The following PPAT variants were observed in gnomAD, a reference collection of about 807,000 sequenced individuals.
The protein encoded by PPAT is amidophosphoribosyltransferase.
PPAT carries 20 observed loss-of-function variants against 60.2 expected under a neutral mutation model. The observed-to-expected ratio is 0.33, with a 90% CI of 0.23 to 0.48. The LOEUF is 0.48. PPAT is among the 20% of genes least tolerant of loss of function. The pLI, the probability that PPAT is intolerant of heterozygous loss-of-function variation, is 0.99. For missense variants in PPAT, 349 were observed against 629.6 expected, an observed-to-expected ratio of 0.55 and a Z score of 4.77; for synonymous variants, 194 against 215.1, an observed-to-expected ratio of 0.90 and a Z score of 0.86.
intron 1 of PPAT, among the ~76,000 whole-genome samples, chr4:56,427,531 G>A (rs1427896836): frequency 1.3e-5 from 2 of 151,992 alleles, no homozygotes; most frequent in Non-Finnish European, 2.9e-5. Context: ...GAGGCACTAG[G>A]CATGGTGGTA....
intron 1 of PPAT, chr4:56,408,194 T>G (rs1716295451): frequency 6.5e-6 from 1 of 153,968 alleles, no homozygotes; most frequent in South Asian, 2.0e-4. Context: ...TCCCAGCACT[T>G]TGGGAGGCTG....
chr4:56,423,659 GTTTT>G (rs199743305), intron 1 of PPAT, among the ~76,000 whole-genome samples: 1 of 147,332 alleles, frequency 6.8e-6, no homozygotes, highest in African/African-American at 2.5e-5. Context: ...AAAAGTACAA[GTTTT>G]TTTTTTTGTT....
intron 1 of PPAT, among the ~76,000 whole-genome samples, chr4:56,432,419 T>C (rs1211215709): frequency 6.7e-6 from 1 of 150,326 alleles, no homozygotes; most frequent in Non-Finnish European, 1.5e-5. Context: ...TCCCAGCTAC[T>C]CGGGAGACAG....
At chr4:56,402,850 G>T (rs28594232) in intron 5 of PPAT, among the ~76,000 whole-genome samples, 190 bp downstream of exon 5, 9 of 41,146 alleles carry the variant, frequency 2.2e-4, no homozygotes, top group East Asian at 6.5e-4. Flanking sequence ...AAAAAAAAAG[G>T]GGGGGGACTC....
intron 1 of PPAT, chr4:56,420,004 A>C (rs538069545): frequency 2.0e-6 from 2 of 985,148 alleles, no homozygotes; most frequent in Non-Finnish European, 2.4e-6. Context: ...GATGGAGAAC[A>C]TGTCACAGAA....
rs1379479259 is a variant in PPAT at position 56,395,135 on chromosome 4, A to G, written c.*217T>C. 4 of 453,440 alleles carry G rather than the reference A, an allele frequency of 8.8e-6. No individual in the cohort carries two copies. The highest frequency in any genetic ancestry group is 1.6e-5 in the Non-Finnish European group (4 of 256,686). The allele number at this position is 453,440 out of a possible 1,614,324, so 28.1% of individuals were successfully genotyped here. On this transcript the variant is annotated 3_prime_UTR_variant, in exon 11 of 11. Coordinates refer to ENST00000264220, the MANE Select transcript of PPAT (RefSeq NM_002703.5). ...GGCTAGCCAATGCTTGTGTAAAAAA[A>G]AGAACACCACATATTGTTGTATTAT...
In PPAT at chr4:56,435,495, G is replaced by T. The variant is rs754845652; in HGVS notation, c.-18C>A. The T allele has an allele frequency of 1.9e-6, 3 of 1,613,024 alleles. No individual in the cohort carries two copies. Among genetic ancestry groups the T allele is most frequent in the East Asian group, 2.2e-5 (1 of 44,868 alleles). The stretch of plus-strand genomic sequence containing the variant: ...AGCTCCATGTCGCCGCCGAAAGCAC[G>T]TGGAAGGACCTGCCGCTGCGGCCAA... On this transcript the variant is annotated 5_prime_UTR_variant, in exon 1 of 11. Coordinates refer to ENST00000264220, the MANE Select transcript of PPAT (RefSeq NM_002703.5).
chr4:56,402,048 G>T, intron 6 of PPAT, 61 bp downstream of exon 6: 1 of 1,312,568 alleles, frequency 7.6e-7, no homozygotes, highest in Non-Finnish European at 1.1e-6. Flanking sequence ...ATAAGAAACT[G>T]TCTAAAAAAA....
chr4:56,419,924 A>AT (rs978412387), intron 1 of PPAT: 3 of 984,326 alleles, frequency 3.0e-6, no homozygotes, highest in Admixed American at 1.2e-4. Context: ...AGAGTATGAA[A>AT]TTTTTTACTG....
At chr4:56,429,355 AG>A (rs1717460339) in intron 1 of PPAT, among the ~76,000 whole-genome samples, 1 of 152,224 alleles carries the variant, frequency 6.6e-6, no homozygotes, top group Non-Finnish European at 1.5e-5. Flanking sequence ...AGATGTAAAA[AG>A]AAAAAAATCC....
Position 56,403,301 on chromosome 4 carries a change from T to C in PPAT, c.503A>G (p.Asp168Gly). 6.2e-7 allele frequency: 1 copy of C among 1,613,042 alleles called. No individual in the cohort carries two copies. Among genetic ancestry groups the C allele is most frequent in the Non-Finnish European group, 8.5e-7 (1 of 1,178,980 alleles). Residue 168 changes from aspartate (D) to glycine (G), a missense_variant, in exon 4 of 11, where the codon GAC (aspartate) becomes GGC (glycine). Transcript: ENST00000264220. ...GTTCTCTGCTTACCTGGCTACCCAGTCTGGGGTGTCATCTTGTTCCTGAGG... is the reference window on the plus strand; with the variant it reads ...GTTCTCTGCTTACCTGGCTACCCAGCCTGGGGTGTCATCTTGTTCCTGAGG... ...TPPQEQDDTP[D>G]WVARIKNLMK...
At chr4:56,406,813 ATC>A (rs1475821948) in intron 2 of PPAT, 112 bp from the exon 3 acceptor site, 2 of 736,570 alleles carry the variant, frequency 2.7e-6, no homozygotes, top group Non-Finnish European at 4.4e-6. Context: ...TACATTTAAT[ATC>A]TCTGTGTTTC....
chr4:56,415,344 C>T (rs1716671383), intron 1 of PPAT, among the ~76,000 whole-genome samples: 1 of 152,184 alleles, frequency 6.6e-6, no homozygotes, highest in African/African-American at 2.4e-5. Context: ...AATTATAATT[C>T]ATCTTCATGT....
In PPAT at chr4:56,394,305, GC is replaced by G. The variant is rs1298664199; in HGVS notation, c.*1046del. Reference sequence around the variant, plus strand: ...TCTCTTTGATCCTTAAACAAAACTGGCCCCTATTGTGTCTGTACTTGATCAC... The same window carrying G: ...TCTCTTTGATCCTTAAACAAAACTGGCCCTATTGTGTCTGTACTTGATCAC... On this transcript the variant is annotated 3_prime_UTR_variant, in exon 11 of 11. Coordinates refer to ENST00000264220, the MANE Select transcript of PPAT (RefSeq NM_002703.5). 3.3e-5 allele frequency: 5 copies of G among 151,816 alleles called. No individual in the cohort carries two copies. The highest frequency in any genetic ancestry group is 7.4e-5 in the Non-Finnish European group (5 of 67,972). 9.4% of individuals were successfully genotyped at this position (151,816 alleles called of 1,614,324 possible). A position where few individuals can be genotyped will look rare whatever the true frequency, so the allele number is the denominator to read the frequency against.
intron 1 of PPAT, chr4:56,428,988 G>A: frequency 8.2e-6 from 8 of 977,468 alleles, no homozygotes; most frequent in Non-Finnish European, 9.7e-6. Context: ...AGCTTCAAGA[G>A]AAAAGCACAT....
chr4:56,428,639 A>C (rs549150098), intron 1 of PPAT, among the ~76,000 whole-genome samples: 1 of 152,308 alleles, frequency 6.6e-6, no homozygotes, highest in Admixed American at 6.5e-5. Flanking sequence ...TAACAAAAAA[A>C]ATTCTAGACA....
At chr4:56,406,176 G>A (rs912054083) in intron 3 of PPAT, among the ~76,000 whole-genome samples, 7 of 152,182 alleles carry the variant, frequency 4.6e-5, no homozygotes, top group Non-Finnish European at 7.3e-5. Context: ...TAGCAACAGA[G>A]TTAAAGAGAT....
At chr4:56,434,983 A>G (rs906615352) in intron 1 of PPAT, among the ~76,000 whole-genome samples, 1 of 152,236 alleles carries the variant, frequency 6.6e-6, no homozygotes, top group Non-Finnish European at 1.5e-5. Flanking sequence ...AGGAGCAGCC[A>G]CAGGCTCCGG....
intron 1 of PPAT, chr4:56,410,899 T>TAAAAAAAA (rs35668849): frequency 2.1e-5 from 14 of 678,540 alleles, no homozygotes; most frequent in African/African-American, 1.1e-4. Context: ...CCACTGAAGG[T>TAAAAAAAA]AAAAAAAAAA....
Sources: allele counts gnomAD v4.1 joint callset (sites outside exome capture counted in the v4.1 genomes callset), GRCh38; gene constraint gnomAD v4.1.1; transcripts MANE v1.5; gene names NCBI Gene and HGNC (gene_info 2026-07-23, HGNC 2026-07-21).